Variants in APBA2 observed in about 807,000 individuals in gnomAD.
APBA2 encodes the protein amyloid beta precursor protein binding family A member 2.
A neutral mutation model predicts 75.0 loss-of-function variants in APBA2; 30 were observed. That is an observed-to-expected ratio of 0.40 (90% CI 0.30 to 0.54). The LOEUF (loss-of-function observed/expected upper bound fraction) is 0.54. APBA2 is among the 20% of genes least tolerant of loss of function. The pLI is 0.49. For synonymous variants in APBA2, 444 were observed against 409.6 expected (o/e 1.08, Z -1.01); for missense variants, 801 against 1,016.1 (o/e 0.79, Z 2.88).
At chr15:29,053,568 C>T (rs1264925741) in intron 3 of APBA2, among the ~76,000 whole-genome samples, 4 of 152,026 alleles carry the variant, frequency 2.6e-5, no homozygotes, top group Admixed American at 6.6e-5. Flanking sequence ...AGGAATGAGC[C>T]GGTAGGTTCC....
At chr15:29,064,793 A>G (rs1301785601) in intron 4 of APBA2, among the ~76,000 whole-genome samples, 1 of 152,116 alleles carries the variant, frequency 6.6e-6, no homozygotes, top group Non-Finnish European at 1.5e-5. Flanking sequence ...GGGGAGGGAC[A>G]TTAGGAAGGC....
At chr15:28,982,750 A>G (rs2037691543) in intron 2 of APBA2, among the ~76,000 whole-genome samples, 2 of 152,204 alleles carry the variant, frequency 1.3e-5, no homozygotes, top group South Asian at 4.1e-4. Context: ...CAGCATGACC[A>G]ATTCAAGGAC....
At chr15:28,946,661 C>A (rs2035567487) in intron 2 of APBA2, among the ~76,000 whole-genome samples, 1 of 152,192 alleles carries the variant, frequency 6.6e-6, no homozygotes, top group Non-Finnish European at 1.5e-5. Context: ...TCACTGCAAC[C>A]TCCACCTCTT....
At chr15:28,973,026 C>CAAGT (rs2037150064) in intron 2 of APBA2, among the ~76,000 whole-genome samples, 1 of 152,158 alleles carries the variant, frequency 6.6e-6, no homozygotes, top group African/African-American at 2.4e-5. Flanking sequence ...GGAGAACTCC[C>CAAGT]AAGTATACGA....
At chr15:29,002,970 G>A (rs1414624891) in intron 3 of APBA2, among the ~76,000 whole-genome samples, 1 of 152,136 alleles carries the variant, frequency 6.6e-6, no homozygotes, top group Admixed American at 6.5e-5. Flanking sequence ...AGGCAAACAA[G>A]CGTGTATATA....
At chr15:29,111,842 C>T (rs982517397) in intron 13 of APBA2, among the ~76,000 whole-genome samples, 1 of 152,294 alleles carries the variant, frequency 6.6e-6, no homozygotes, top group South Asian at 2.1e-4. Flanking sequence ...CAGCCGGGAC[C>T]TCCAGGGAGC....
At chr15:28,928,840 C>G (rs2034416058) in intron 2 of APBA2, among the ~76,000 whole-genome samples, 1 of 152,154 alleles carries the variant, frequency 6.6e-6, no homozygotes, top group Non-Finnish European at 1.5e-5. Context: ...CCCCCTAAGA[C>G]TGTGGCTTCT....
chr15:28,960,585 A>G (rs541843780), intron 2 of APBA2, among the ~76,000 whole-genome samples: 1 of 151,910 alleles, frequency 6.6e-6, no homozygotes, highest in African/African-American at 2.4e-5. Context: ...GGGCAGATGG[A>G]CTCTCACACC....
At chr15:28,942,014 C>T (rs959147185) in intron 2 of APBA2, among the ~76,000 whole-genome samples, 1 of 152,230 alleles carries the variant, frequency 6.6e-6, no homozygotes, top group African/African-American at 2.4e-5. Flanking sequence ...CCGCCTCAGC[C>T]TCCTAAAGTG....
intron 4 of APBA2, among the ~76,000 whole-genome samples, chr15:29,062,298 C>T (rs993568858): frequency 6.6e-6 from 1 of 152,176 alleles, no homozygotes; most frequent in African/African-American, 2.4e-5. Context: ...GCTCCTGTGT[C>T]CCCTGTCGTC....
chr15:29,117,653 A>C lies in APBA2; in HGVS notation c.*520A>C, dbSNP rs1436848740. On this transcript the variant is annotated 3_prime_UTR_variant, in exon 15 of 15. Coordinates refer to ENST00000683413, the MANE Select transcript of APBA2 (RefSeq NM_001353788.2). ...GGCTCCCAGGACACGACTTGTAATG[A>C]AAGTTTGGGGACATGTGATTGATTG... 6.4e-6 allele frequency: 1 copy of C among 155,462 alleles called. No individual in the cohort carries two copies. The highest frequency in any genetic ancestry group is 1.4e-5 in the Non-Finnish European group (1 of 71,550). The allele number at this position is 155,462 out of a possible 1,614,324, so 9.6% of individuals were successfully genotyped here.
chr15:29,079,467 G>A (rs943007825), intron 6 of APBA2, among the ~76,000 whole-genome samples: 6 of 152,252 alleles, frequency 3.9e-5, no homozygotes, highest in South Asian at 2.1e-4. Flanking sequence ...AAGCCTCTTC[G>A]ACACACTGCT....
chr15:29,035,889 A>T (rs2152853403), intron 3 of APBA2, among the ~76,000 whole-genome samples: 2 of 152,318 alleles, frequency 1.3e-5, no homozygotes, highest in South Asian at 4.1e-4. Flanking sequence ...ACAGGAGCAG[A>T]CAAAGATCTG....
chr15:28,989,960 A>T (rs1281380315), intron 2 of APBA2, among the ~76,000 whole-genome samples: 1 of 152,178 alleles, frequency 6.6e-6, no homozygotes, highest in Non-Finnish European at 1.5e-5. Context: ...AATTGCAGAA[A>T]ACAAGGTCAG....
rs566531252 is a variant in APBA2, at chr15:29,000,017, T to C, written c.-41+4211T>C. On this transcript the variant is annotated intron_variant, in intron 3 of 14. Transcript: ENST00000683413. The stretch of plus-strand genomic sequence containing the variant: ...GAGAGTGAATTCAACCCTCCTCTGC[T>C]GTTTTGTTCTATGCAGGTCCTCACT... Among the ~76,000 whole-genome samples the C allele has an allele frequency of 3.9e-5, 6 of 152,300 alleles. No individual in the cohort carries two copies. In the South Asian group the frequency reaches 8.3e-4, roughly 21 times the overall value.
At chr15:29,011,215 A>G (rs1329580192) in intron 3 of APBA2, among the ~76,000 whole-genome samples, 1 of 152,240 alleles carries the variant, frequency 6.6e-6, no homozygotes, top group Non-Finnish European at 1.5e-5. Context: ...TGAATAGACC[A>G]CATTTTGTTT....
intron 4 of APBA2, among the ~76,000 whole-genome samples, chr15:29,057,346 T>C (rs2041944451): frequency 6.6e-6 from 1 of 152,132 alleles, no homozygotes; most frequent in African/African-American, 2.4e-5. Flanking sequence ...GTAGCAACCC[T>C]CCCCTCTCTT....
At chr15:29,114,762 G>T (rs1256579571) in intron 14 of APBA2, among the ~76,000 whole-genome samples, 1 of 144,262 alleles carries the variant, frequency 6.9e-6, no homozygotes. Flanking sequence ...GTGGCTGTGT[G>T]AATGTACCTG....
In APBA2 at chr15:29,088,222, C is replaced by T. The variant is rs571808118; in HGVS notation, c.1070-4853C>T. On this transcript the variant is annotated intron_variant, in intron 6 of 14. Coordinates refer to ENST00000683413, the MANE Select transcript of APBA2 (RefSeq NM_001353788.2). Reference sequence around the variant, plus strand: ...CCTCCCTTTCTAAGCCCCTTCTTTTCTTGGTACTTAGCAGAGCAGAGTCCT... The same window carrying T: ...CCTCCCTTTCTAAGCCCCTTCTTTTTTTGGTACTTAGCAGAGCAGAGTCCT... Among the ~76,000 whole-genome samples the T allele has an allele frequency of 8.5e-5, 13 of 152,300 alleles. No individual in the cohort carries two copies. In the East Asian group the frequency reaches 2.5e-3, roughly 29 times the overall value.
Sources: gnomAD v4.1 joint callset for allele counts (sites outside exome capture counted in the v4.1 genomes callset) on GRCh38, gnomAD v4.1.1 for gene constraint, MANE v1.5 for transcripts, NCBI Gene and HGNC (gene_info 2026-07-23, HGNC 2026-07-21) for gene names.